Variants in COL19A1 observed in about 807,000 individuals in gnomAD.
The protein encoded by COL19A1 is collagen type XIX alpha 1 chain.
A neutral mutation model predicts 190.2 loss-of-function variants in COL19A1; 159 were observed. The ratio of observed to expected loss-of-function variants is 0.84; its 90% CI spans 0.73 to 0.95. The LOEUF is 0.95. Among genes scored for constraint, COL19A1 ranks in the 40% least tolerant of loss-of-function variants. COL19A1 has a pLI of 0.00. For missense variants in COL19A1, 1,418 were observed against 1,431.9 expected (o/e 0.99, Z 0.16); for synonymous variants, 509 against 458.9 (o/e 1.11, Z -1.39).
At chr6:70,072,505 A>T (rs1582841377) in intron 15 of COL19A1, among the ~76,000 whole-genome samples, 2 of 152,102 alleles carry the variant, frequency 1.3e-5, no homozygotes, top group South Asian at 4.1e-4. Context: ...CCTGAACAGA[A>T]ACTTTATGTT....
intron 16 of COL19A1, among the ~76,000 whole-genome samples, chr6:70,103,843 A>G (rs541712598): frequency 1.3e-5 from 2 of 152,112 alleles, no homozygotes; most frequent in African/African-American, 4.8e-5. Context: ...TTGAACCTCT[A>G]TTTTCTCACC....
chr6:70,189,488 T>C (rs1253684454), intron 47 of COL19A1, among the ~76,000 whole-genome samples: 1 of 152,208 alleles, frequency 6.6e-6, no homozygotes, highest in Non-Finnish European at 1.5e-5. Flanking sequence ...TTCATCATAT[T>C]GTCTTTAATG....
chr6:69,938,424 T>A (rs987111789), intron 9 of COL19A1, among the ~76,000 whole-genome samples: 1 of 152,054 alleles, frequency 6.6e-6, no homozygotes. Flanking sequence ...CTTCCCCAAA[T>A]CCCTGTTGAA....
rs767330424 is a variant in COL19A1 at position 69,936,784 on chromosome 6, G to A, written c.748-1G>A. On this transcript the variant is annotated splice_acceptor_variant, in intron 7 of 50. Coordinates refer to ENST00000620364, the MANE Select transcript of COL19A1 (RefSeq NM_001858.6). LOFTEE classifies it high-confidence loss of function. ...TCCTAAAGCCTCTTTTTGGATTTTAGTGCCCAGAGCAGGATGGCTTTGGAA... is the reference window on the plus strand; with the variant it reads ...TCCTAAAGCCTCTTTTTGGATTTTAATGCCCAGAGCAGGATGGCTTTGGAA... 2.0e-5 allele frequency: 33 copies of A among 1,611,026 alleles called. No individual in the cohort carries two copies. The highest frequency in any genetic ancestry group is 3.3e-4 in the Middle Eastern group (2 of 6,048).
chr6:70,130,127 G>A (rs182814294), intron 17 of COL19A1, 55 bp from the exon 18 acceptor site: 81 of 1,583,030 alleles, frequency 5.1e-5, no homozygotes, highest in Non-Finnish European at 1.2e-5. Context: ...CAGATTGAAT[G>A]TGTTAAAAAT....
rs1264547876 is a variant in COL19A1, at chr6:70,149,587, G to A, written c.1894-117G>A. The stretch of plus-strand genomic sequence containing the variant: ...ACTTTGCAGTTTTCCACGTGTGTAC[G>A]GTGGCAAACCCTGTTGTTCCTCTAA... On this transcript the variant is annotated intron_variant, in intron 27 of 50. Coordinates refer to ENST00000620364, the MANE Select transcript of COL19A1 (RefSeq NM_001858.6). 17 of 1,287,722 alleles carry A rather than the reference G, an allele frequency of 1.3e-5. 1 individual carries two copies. Among genetic ancestry groups the A allele is most frequent in the East Asian group, 9.9e-5 (4 of 40,414 alleles). The allele number at this position is 1,287,722 out of a possible 1,614,324, so 79.8% of individuals were successfully genotyped here. A position where few individuals can be genotyped will look rare whatever the true frequency, so the allele number is the denominator to read the frequency against.
intron 27 of COL19A1, among the ~76,000 whole-genome samples, chr6:70,147,686 G>A (rs188109507): frequency 1.2e-4 from 18 of 152,164 alleles, no homozygotes; most frequent in Admixed American, 1.2e-3. Flanking sequence ...ATTCCCCAAT[G>A]GACATCAACT....
intron 16 of COL19A1, among the ~76,000 whole-genome samples, chr6:70,115,727 A>C (rs1323162576): frequency 6.6e-6 from 1 of 152,012 alleles, no homozygotes; most frequent in Non-Finnish European, 1.5e-5. Context: ...GAATAATATA[A>C]ATACTCACTG....
intron 49 of COL19A1, among the ~76,000 whole-genome samples, chr6:70,202,759 A>G (rs1446078365): frequency 6.6e-6 from 1 of 152,202 alleles, no homozygotes; most frequent in African/African-American, 2.4e-5. Flanking sequence ...CGCCTTCAGC[A>G]CCCTGACCTT....
intron 4 of COL19A1, among the ~76,000 whole-genome samples, chr6:69,927,016 A>G (rs922337309): frequency 4.6e-5 from 7 of 152,152 alleles, no homozygotes; most frequent in Non-Finnish European, 7.4e-5. Flanking sequence ...TTCTATATCC[A>G]GCAAAACTAT....
chr6:70,206,759 T>C (rs1767889058), intron 49 of COL19A1, 142 bp from the exon 50 acceptor site: 1 of 639,680 alleles, frequency 1.6e-6, no homozygotes, highest in South Asian at 2.5e-5. Context: ...ATGTGGTTAA[T>C]GCAAAACAGT....
chr6:70,105,021 A>G (rs1001645643), intron 16 of COL19A1, among the ~76,000 whole-genome samples: 8 of 152,118 alleles, frequency 5.3e-5, no homozygotes, highest in African/African-American at 1.9e-4. Context: ...TGGGGGAGAG[A>G]GGTGCTTATT....
chr6:70,041,728 G>T (rs1442851213), intron 14 of COL19A1, among the ~76,000 whole-genome samples: 3 of 151,982 alleles, frequency 2.0e-5, no homozygotes, highest in African/African-American at 7.3e-5. Context: ...AAAAAAAACA[G>T]AAATGTTCTA....
At chr6:69,892,921 C>T (rs1769450720) in intron 2 of COL19A1, among the ~76,000 whole-genome samples, 1 of 152,212 alleles carries the variant, frequency 6.6e-6, no homozygotes, top group Non-Finnish European at 1.5e-5. Context: ...TCCACTGATG[C>T]AAACGGCTAT....
chr6:69,874,463 G>A (rs1768013308), intron 1 of COL19A1, among the ~76,000 whole-genome samples: 1 of 152,184 alleles, frequency 6.6e-6, no homozygotes, highest in Non-Finnish European at 1.5e-5. Flanking sequence ...TTAGAAATGT[G>A]CAGAGAGGCT....
chr6:70,005,095 G>A (rs994932181), intron 11 of COL19A1, among the ~76,000 whole-genome samples: 1 of 152,134 alleles, frequency 6.6e-6, no homozygotes, highest in Non-Finnish European at 1.5e-5. Flanking sequence ...GCCTCCCTAA[G>A]TGCTGGGATT....
chr6:70,009,149 G>C (rs1409258462), intron 11 of COL19A1, among the ~76,000 whole-genome samples: 2 of 151,844 alleles, frequency 1.3e-5, no homozygotes, highest in East Asian at 3.9e-4. Context: ...GGAGGTTCTA[G>C]CCAGTGTAAT....
At chr6:69,906,193 A>G (rs1325430186) in intron 4 of COL19A1, among the ~76,000 whole-genome samples, 1 of 152,152 alleles carries the variant, frequency 6.6e-6, no homozygotes, top group South Asian at 2.1e-4. Context: ...TTCAAATAAA[A>G]TGTCTTAGTA....
intron 4 of COL19A1, among the ~76,000 whole-genome samples, chr6:69,927,688 A>T (rs1772487600): frequency 6.6e-6 from 1 of 152,320 alleles, no homozygotes; most frequent in East Asian, 1.9e-4. Flanking sequence ...AGGAAATGTC[A>T]CAATTTAATA....
Sources: gnomAD v4.1 joint callset for allele counts (sites outside exome capture counted in the v4.1 genomes callset) on GRCh38, gnomAD v4.1.1 for gene constraint, MANE v1.5 for transcripts, NCBI Gene and HGNC (gene_info 2026-07-23, HGNC 2026-07-21) for gene names.